Variants in CPNE4 observed in about 807,000 individuals in gnomAD.
CPNE4 encodes copine-4.
CPNE4 carries 25 observed loss-of-function variants against 67.9 expected under a neutral mutation model. That is an observed-to-expected ratio of 0.37 (90% confidence interval 0.27 to 0.51). CPNE4 has a LOEUF of 0.51. Ranked by LOEUF, CPNE4 falls within the 20% of genes least tolerant of loss-of-function variation. CPNE4 has a pLI of 0.93. For missense variants in CPNE4, 464 were observed against 690.8 expected (o/e 0.67, Z 3.68); for synonymous variants, 242 against 244.9 (o/e 0.99, Z 0.11).
intron 2 of CPNE4, among the ~76,000 whole-genome samples, chr3:131,830,434 C>A (rs1434352314): frequency 6.6e-6 from 1 of 152,110 alleles, no homozygotes; most frequent in Non-Finnish European, 1.5e-5. Flanking sequence ...CTTTCTGACA[C>A]TTCACCTCCC....
intron 2 of CPNE4, among the ~76,000 whole-genome samples, chr3:131,903,231 A>G (rs949550910): frequency 6.6e-6 from 1 of 152,244 alleles, no homozygotes; most frequent in Middle Eastern, 3.4e-3. Flanking sequence ...GGGATCCAAA[A>G]CAGGTCTATT....
intron 2 of CPNE4, among the ~76,000 whole-genome samples, chr3:131,878,974 A>G (rs9289405): frequency 0.63 from 96,418 of 152,118 alleles, 30,792 homozygotes; most frequent in Admixed American, 0.72. Context: ...ATAACTTCTA[A>G]GAAATTGATT....
Position 132,034,630 on chromosome 3 carries a change from C to T in CPNE4, c.-65G>A. On this transcript the variant is annotated 5_prime_UTR_variant, in exon 1 of 16. Coordinates refer to ENST00000429747, the MANE Select transcript of CPNE4 (RefSeq NM_130808.3). ...GCCCGGGACGAGGTCTGTCCCGCCC[C>T]CAGGATGCAAAATCCGGCTTTGAAG... 3 of 985,450 alleles carry T rather than the reference C, an allele frequency of 3.0e-6. No homozygotes were observed. The South Asian group carries it at 1.4e-4, about 46-fold the overall frequency. 61.0% of individuals were successfully genotyped at this position (985,450 alleles called of 1,614,324 possible).
chr3:131,826,361 A>T (rs1184862097), intron 2 of CPNE4, among the ~76,000 whole-genome samples: 1 of 150,144 alleles, frequency 6.7e-6, no homozygotes, highest in Non-Finnish European at 1.5e-5. Context: ...CTGGTTAATT[A>T]AAAAAAAAAT....
At chr3:131,902,955 A>C (rs1017605302) in intron 2 of CPNE4, among the ~76,000 whole-genome samples, 2 of 152,140 alleles carry the variant, frequency 1.3e-5, no homozygotes, top group Non-Finnish European at 2.9e-5. Context: ...AAGTTAAATT[A>C]AGATTCCCCA....
intron 1 of CPNE4, among the ~76,000 whole-genome samples, chr3:131,972,061 G>A (rs1304366476): frequency 6.6e-6 from 1 of 152,066 alleles, no homozygotes; most frequent in Non-Finnish European, 1.5e-5. Flanking sequence ...AATGTTCATG[G>A]CAACTGAGTG....
At chr3:131,981,655 T>C (rs2072912357) in intron 1 of CPNE4, among the ~76,000 whole-genome samples, 1 of 152,170 alleles carries the variant, frequency 6.6e-6, no homozygotes, top group Non-Finnish European at 1.5e-5. Context: ...GCTATAGATA[T>C]GCTTCTCCCC....
intron 2 of CPNE4, among the ~76,000 whole-genome samples, chr3:131,820,030 T>C (rs537224094): frequency 6.6e-6 from 1 of 152,338 alleles, no homozygotes; most frequent in South Asian, 2.1e-4. Context: ...CTTAGACAAG[T>C]TGCTTACGTC....
intron 15 of CPNE4, among the ~76,000 whole-genome samples, chr3:131,542,290 A>ATAGT (rs370231206): frequency 6.6e-6 from 1 of 152,090 alleles, no homozygotes; most frequent in African/African-American, 2.4e-5. Context: ...TTTGCCTACA[A>ATAGT]TAGTTAGCAT....
chr3:131,976,923 T>A (rs909014968), intron 1 of CPNE4, among the ~76,000 whole-genome samples: 1 of 152,002 alleles, frequency 6.6e-6, no homozygotes, highest in Non-Finnish European at 1.5e-5. Flanking sequence ...TGCCTCAGCC[T>A]CCTGAGTAGC....
intron 2 of CPNE4, among the ~76,000 whole-genome samples, chr3:131,786,051 C>A (rs963547191): frequency 6.6e-6 from 1 of 152,036 alleles, no homozygotes; most frequent in Non-Finnish European, 1.5e-5. Context: ...AGGCCCAAAG[C>A]CTCTTCTCTT....
chr3:131,628,329 T>C (rs9784286), intron 7 of CPNE4, among the ~76,000 whole-genome samples: 42,650 of 151,790 alleles, frequency 0.28, 10,041 homozygotes, highest in African/African-American at 0.65. Context: ...AGAATCATGG[T>C]GGGAGGTGAA....
intron 2 of CPNE4, among the ~76,000 whole-genome samples, chr3:131,771,529 T>G (rs1180198830): frequency 2.0e-5 from 3 of 152,064 alleles, no homozygotes; most frequent in Non-Finnish European, 2.9e-5. Flanking sequence ...CCCTCTCCCC[T>G]CTTGCTTCTT....
At chr3:131,689,863 C>T (rs1174118777) in intron 5 of CPNE4, among the ~76,000 whole-genome samples, 9 of 152,162 alleles carry the variant, frequency 5.9e-5, no homozygotes, top group East Asian at 5.8e-4. Context: ...GCAAAGTTTC[C>T]GAATACAAAG....
At chr3:131,724,261 C>T (rs1312547939) in intron 2 of CPNE4, among the ~76,000 whole-genome samples, 1 of 151,984 alleles carries the variant, frequency 6.6e-6, no homozygotes, top group Non-Finnish European at 1.5e-5. Flanking sequence ...CTCGAGTATG[C>T]CCTTTATTAA....
At chr3:132,019,767 A>G (rs2073954141) in intron 1 of CPNE4, among the ~76,000 whole-genome samples, 1 of 152,186 alleles carries the variant, frequency 6.6e-6, no homozygotes, top group Admixed American at 6.5e-5. Context: ...AATGGTTCTC[A>G]AAAGTTCTAA....
At chr3:131,672,331 T>C (rs1351216719) in intron 6 of CPNE4, among the ~76,000 whole-genome samples, 1 of 152,130 alleles carries the variant, frequency 6.6e-6, no homozygotes, top group Non-Finnish European at 1.5e-5. Context: ...TTTCCTTTCT[T>C]TTGGGTATAT....
At chr3:131,661,492 T>C (rs75422011) in intron 7 of CPNE4, among the ~76,000 whole-genome samples, 2,734 of 152,330 alleles carry the variant, frequency 0.018, 91 homozygotes, top group African/African-American at 0.063. Context: ...CGCTGCAGTA[T>C]TGATTTCCGA....
chr3:132,019,140 T>C lies in CPNE4; in HGVS notation c.-2+15427A>G, dbSNP rs149563834. Among the ~76,000 whole-genome samples, 20 of 143,428 alleles carry C rather than the reference T, an allele frequency of 1.4e-4. No individual in the cohort carries two copies. The East Asian group carries it at 3.5e-3, about 25-fold the overall frequency. The allele number at this position is 143,428 out of a possible 152,430, so 94.1% of individuals were successfully genotyped here. On this transcript the variant is annotated intron_variant, in intron 1 of 15. Transcript: ENST00000429747. ...CCATTTTCACATTCCTAAGGAGTTG[T>C]GAAGCAAACAAAAAAAAAATAGGAA...
Sources: gnomAD v4.1 joint callset for allele counts (sites outside exome capture counted in the v4.1 genomes callset) on GRCh38, gnomAD v4.1.1 for gene constraint, MANE v1.5 for transcripts, NCBI Gene and HGNC (gene_info 2026-07-23, HGNC 2026-07-21) for gene names.